Variants in IQCK observed in about 807,000 individuals in gnomAD.
IQCK encodes IQ domain-containing protein K.
IQCK carries 29 observed loss-of-function variants against 28.1 expected under a neutral mutation model. The observed-to-expected ratio is 1.03, with a 90% CI of 0.77 to 1.41. The LOEUF (loss-of-function observed/expected upper bound fraction) is 1.41. Ranked by LOEUF, IQCK falls within the 40% of genes most tolerant of loss-of-function variation. The pLI is 0.00. For synonymous variants in IQCK, 113 were observed against 115.1 expected, an observed-to-expected ratio of 0.98 and a Z score of 0.12; for missense variants, 359 against 314.7, an observed-to-expected ratio of 1.14 and a Z score of -1.07.
intron 7 of IQCK, among the ~76,000 whole-genome samples, chr16:19,821,856 T>C (rs552188401): frequency 2.2e-4 from 33 of 152,028 alleles, no homozygotes; most frequent in African/African-American, 8.0e-4. Context: ...GGAGGATTGC[T>C]TGAACCCAGG....
chr16:19,732,636 G>T lies in IQCK; in HGVS notation c.247-1062G>T, dbSNP rs1482190953. Among the ~76,000 whole-genome samples, 4 of 152,032 alleles carry T rather than the reference G, an allele frequency of 2.6e-5. No individual in the cohort carries two copies. The East Asian group carries it at 5.8e-4, about 22-fold the overall frequency. On this transcript the variant is annotated intron_variant, in intron 2 of 7. Transcript: ENST00000564186. ...CCACCACTGCCAGCTAATTATTTTT[G>T]AATTTTAGTAGAGATGAGGTCTTGC...
At chr16:19,755,021 A>G (rs996703319) in intron 4 of IQCK, among the ~76,000 whole-genome samples, 3 of 152,174 alleles carry the variant, frequency 2.0e-5, no homozygotes, top group Admixed American at 2.0e-4. Flanking sequence ...TGCCTTCTCA[A>G]TGGAAAAAAA....
intron 1 of IQCK, among the ~76,000 whole-genome samples, chr16:19,726,166 G>A (rs528904749): frequency 2.0e-4 from 30 of 151,006 alleles, no homozygotes; most frequent in African/African-American, 6.6e-4. Flanking sequence ...CGCCCGCCTC[G>A]GCCTCCCAAA....
intron 4 of IQCK, among the ~76,000 whole-genome samples, chr16:19,736,722 CA>C (rs1255156184): frequency 6.6e-6 from 1 of 152,064 alleles, no homozygotes; most frequent in Non-Finnish European, 1.5e-5. Context: ...TTGCTCTCCC[CA>C]GCCATGTGAG....
chr16:19,773,804 A>G (rs752672903), intron 6 of IQCK, among the ~76,000 whole-genome samples: 2 of 152,220 alleles, frequency 1.3e-5, no homozygotes, highest in Non-Finnish European at 2.9e-5. Context: ...AAAAACCAAC[A>G]TAATTAGAAG....
chr16:19,733,974 C>G (rs776258154), intron 3 of IQCK, 147 bp downstream of exon 3: 1 of 675,314 alleles, frequency 1.5e-6, no homozygotes, highest in African/African-American at 1.8e-5. Flanking sequence ...AGAGACATGT[C>G]CTTTATTTCA....
intron 7 of IQCK, among the ~76,000 whole-genome samples, chr16:19,799,169 T>G (rs368098192): frequency 2.5e-5 from 3 of 118,552 alleles, no homozygotes; most frequent in Non-Finnish European, 4.6e-5. Flanking sequence ...TTAAGCCTAC[T>G]CTCTCTCCTT....
At chr16:19,819,231 G>A (rs1202264330) in intron 7 of IQCK, among the ~76,000 whole-genome samples, 1 of 152,122 alleles carries the variant, frequency 6.6e-6, no homozygotes, top group Non-Finnish European at 1.5e-5. Context: ...GTTGTCTCAC[G>A]CCTGTAATTC....
At chr16:19,735,790 C>T (rs1038172404) in intron 4 of IQCK, 8 of 339,334 alleles carry the variant, frequency 2.4e-5, no homozygotes, top group Admixed American at 2.2e-4. Context: ...TGGCCGGGCA[C>T]GGTGGCCCAT....
chr16:19,725,355 C>G (rs530448253), intron 1 of IQCK, among the ~76,000 whole-genome samples: 8 of 152,142 alleles, frequency 5.3e-5, no homozygotes, highest in African/African-American at 1.9e-4. Context: ...CGCCACCACA[C>G]CCAGCTAATT....
chr16:19,782,437 T>G (rs1023074912), intron 6 of IQCK, among the ~76,000 whole-genome samples: 2 of 151,300 alleles, frequency 1.3e-5, no homozygotes, highest in African/African-American at 4.9e-5. Context: ...CTGGGCAACA[T>G]AGTGAGACCC....
chr16:19,849,560 G>A (rs891722793), intron 9 of IQCK, among the ~76,000 whole-genome samples: 3 of 151,654 alleles, frequency 2.0e-5, no homozygotes, highest in African/African-American at 7.3e-5. Flanking sequence ...CCAGCAGTTC[G>A]AGACCAGCCT....
intron 7 of IQCK, among the ~76,000 whole-genome samples, chr16:19,817,566 C>T (rs1189235720): frequency 2.6e-5 from 4 of 151,998 alleles, no homozygotes; most frequent in Non-Finnish European, 5.9e-5. Context: ...TCAGCAGAAC[C>T]CTATGAACAA....
chr16:19,729,253 G>T (rs1265872012), intron 1 of IQCK, among the ~76,000 whole-genome samples: 1 of 151,906 alleles, frequency 6.6e-6, no homozygotes, highest in African/African-American at 2.4e-5. Context: ...GATTACAGGT[G>T]CCCGGCGCCA....
At chr16:19,836,599 C>T (rs911058277) in intron 9 of IQCK, among the ~76,000 whole-genome samples, 1 of 152,124 alleles carries the variant, frequency 6.6e-6, no homozygotes, top group Admixed American at 6.5e-5. Context: ...CTGCAACCTC[C>T]GCCTCCCGGG....
At chr16:19,827,519 T>C (rs576620413), downstream of IQCK, among the ~76,000 whole-genome samples, 47 of 152,338 alleles carry the variant, frequency 3.1e-4, no homozygotes, top group African/African-American at 1.1e-3. Flanking sequence ...TATGCTTGTC[T>C]TCTCCCCTTT....
At chr16:19,818,794 T>C (rs2056024591) in intron 7 of IQCK, among the ~76,000 whole-genome samples, 1 of 152,162 alleles carries the variant, frequency 6.6e-6, no homozygotes, top group South Asian at 2.1e-4. Flanking sequence ...TCTTCTTTAT[T>C]TGGGAGTAAA....
intron 7 of IQCK, among the ~76,000 whole-genome samples, chr16:19,814,595 T>A (rs1278795437): frequency 1.3e-5 from 2 of 152,072 alleles, no homozygotes; most frequent in Non-Finnish European, 2.9e-5. Flanking sequence ...TTTCTCTGAT[T>A]TTCAGATTGA....
chr16:19,827,045 T>C (rs1268645949), exon 8 of IQCK: 4 of 1,613,858 alleles, frequency 2.5e-6, no homozygotes, highest in Non-Finnish European at 2.5e-6. Flanking sequence ...GATCCTGAGA[T>C]TCAAGAACTG....
Sources: gnomAD v4.1 joint callset for allele counts (sites outside exome capture counted in the v4.1 genomes callset) on GRCh38, gnomAD v4.1.1 for gene constraint, MANE v1.5 for transcripts, NCBI Gene and HGNC (gene_info 2026-07-23, HGNC 2026-07-21) for gene names.